Variants in GRID2 observed in about 807,000 individuals in gnomAD.
The protein encoded by GRID2 is glutamate receptor ionotropic, delta-2.
In GRID2, 33 loss-of-function variants were observed where a neutral mutation model predicts 114.8. The observed-to-expected ratio is 0.29, with a 90% CI of 0.22 to 0.38. GRID2 has a LOEUF of 0.38. Among genes scored for constraint, GRID2 ranks in the 10% least tolerant of loss-of-function variants. The pLI is 1.00. For synonymous variants in GRID2, 505 were observed against 449.9 expected (o/e 1.12, Z -1.55); for missense variants, 1,184 against 1,257.7 (o/e 0.94, Z 0.89).
intron 8 of GRID2, among the ~76,000 whole-genome samples, chr4:93,378,040 G>A (rs1763529059): frequency 6.6e-6 from 1 of 152,066 alleles, no homozygotes; most frequent in Non-Finnish European, 1.5e-5. Context: ...ATAGGACTTT[G>A]TTGAAAACAA....
At chr4:92,525,380 T>C (rs1389015880) in intron 1 of GRID2, among the ~76,000 whole-genome samples, 3 of 152,054 alleles carry the variant, frequency 2.0e-5, no homozygotes, top group East Asian at 1.9e-4. Context: ...TGTTAAGTTA[T>C]GGTGTCAAAT....
chr4:92,331,859 T>C (rs1054074304), intron 1 of GRID2, among the ~76,000 whole-genome samples: 3 of 152,232 alleles, frequency 2.0e-5, no homozygotes, highest in Non-Finnish European at 2.9e-5. Context: ...GCTGCATGAT[T>C]TCCTAGCATT....
intron 8 of GRID2, among the ~76,000 whole-genome samples, chr4:93,244,822 A>T (rs1459204313): frequency 6.6e-6 from 1 of 151,578 alleles, no homozygotes; most frequent in Non-Finnish European, 1.5e-5. Flanking sequence ...TTGTATTCTG[A>T]TTCTGGAATA....
intron 2 of GRID2, among the ~76,000 whole-genome samples, chr4:92,998,697 C>A (rs181910519): frequency 1.7e-3 from 256 of 148,228 alleles, no homozygotes; most frequent in Middle Eastern, 0.01. Context: ...TTTTTTTTTT[C>A]AAGAGGGTCC....
At chr4:93,165,381 A>G (rs1464226689) in intron 4 of GRID2, among the ~76,000 whole-genome samples, 1 of 151,174 alleles carries the variant, frequency 6.6e-6, no homozygotes, top group Admixed American at 6.6e-5. Context: ...AGAGTGTGGG[A>G]TTGCTAAAGA....
intron 8 of GRID2, among the ~76,000 whole-genome samples, chr4:93,361,587 G>C (rs755799031): frequency 3.3e-5 from 5 of 151,596 alleles, no homozygotes; most frequent in African/African-American, 1.2e-4. Context: ...CTTTTTAATA[G>C]AGCCTTCACT....
intron 8 of GRID2, among the ~76,000 whole-genome samples, chr4:93,265,590 C>T (rs1467394592): frequency 6.6e-6 from 1 of 152,074 alleles, no homozygotes; most frequent in Non-Finnish European, 1.5e-5. Flanking sequence ...GAAACATTAC[C>T]AAACTTCTAA....
chr4:92,569,188 A>G (rs1298543812), intron 1 of GRID2, among the ~76,000 whole-genome samples: 1 of 151,418 alleles, frequency 6.6e-6, no homozygotes, highest in Non-Finnish European at 1.5e-5. Flanking sequence ...TGTTCTTATC[A>G]TTTCACTCCC....
At position 93,217,905 on chromosome 4, in the gene GRID2, A is replaced by C. The variant is rs1346851924; in HGVS notation, c.963+994A>C. ...ATATTTTAGAAACTTGTTCTTTAAA[A>C]TATTTACCATAGGAAACATTTTAGT... On this transcript the variant is annotated intron_variant, in intron 6 of 15. Transcript: ENST00000282020. 3.3e-5 allele frequency among the ~76,000 whole-genome samples: 5 copies of C among 152,206 alleles called. No homozygotes were observed. In the East Asian group the frequency reaches 9.6e-4, roughly 29 times the overall value.
At chr4:93,049,517 C>A (rs191169609) in intron 2 of GRID2, among the ~76,000 whole-genome samples, 1 of 151,574 alleles carries the variant, frequency 6.6e-6, no homozygotes, top group Non-Finnish European at 1.5e-5. Context: ...TTATCCCCCC[C>A]CCAAAAAAAT....
intron 2 of GRID2, among the ~76,000 whole-genome samples, chr4:92,632,612 A>G (rs1730861412): frequency 6.6e-6 from 1 of 151,964 alleles, no homozygotes; most frequent in Non-Finnish European, 1.5e-5. Context: ...AGCCTGAGCC[A>G]CGGAGCGAGA....
chr4:93,772,416 C>T lies in GRID2; in HGVS notation c.2942C>T (p.Thr981Ile). The change falls in exon 16 of 16, where the codon ACA becomes ATA. Residue 981 changes from threonine (T) to isoleucine (I), a missense_variant. Thr to Ile is a moderately conservative substitution (Grantham distance 89). Transcript: ENST00000282020. ...NGGFFRSPIK[T>I]MSSIPYQPTP... ...GGCTTTTTCAGGAGTCCTATAAAAA[C>T]AATGTCATCTATTCCTTATCAACCA... The T allele has an allele frequency of 6.2e-7, 1 of 1,613,794 alleles. No homozygotes were observed. The highest frequency in any genetic ancestry group is 1.3e-5 in the African/African-American group (1 of 75,012).
chr4:92,813,137 G>A (rs1369301546), intron 2 of GRID2, among the ~76,000 whole-genome samples: 1 of 152,024 alleles, frequency 6.6e-6, no homozygotes, highest in Non-Finnish European at 1.5e-5. Flanking sequence ...TTACAATATG[G>A]ACTGTGAAGG....
intron 2 of GRID2, among the ~76,000 whole-genome samples, chr4:92,864,672 A>G (rs531953255): frequency 6.6e-6 from 1 of 152,182 alleles, no homozygotes; most frequent in Non-Finnish European, 1.5e-5. Context: ...ATTGATACAT[A>G]GATACTACTA....
intron 2 of GRID2, among the ~76,000 whole-genome samples, chr4:92,979,139 G>C (rs1420820696): frequency 1.3e-5 from 2 of 151,964 alleles, no homozygotes; most frequent in African/African-American, 4.8e-5. Context: ...AAATTGTGAT[G>C]GGTCATTGTA....
intron 1 of GRID2, among the ~76,000 whole-genome samples, chr4:92,404,673 T>A (rs1730942868): frequency 6.6e-6 from 1 of 152,128 alleles, no homozygotes. Context: ...ATGTGGTACA[T>A]ACACACCATG....
intron 14 of GRID2, among the ~76,000 whole-genome samples, chr4:93,733,224 C>T (rs1730640830): frequency 6.6e-6 from 1 of 152,112 alleles, no homozygotes; most frequent in African/African-American, 2.4e-5. Flanking sequence ...ACTGATATAT[C>T]TTCTTTTCTG....
At chr4:93,232,145 T>C (rs1350649329) in intron 7 of GRID2, among the ~76,000 whole-genome samples, 3 of 152,128 alleles carry the variant, frequency 2.0e-5, no homozygotes, top group African/African-American at 7.2e-5. Context: ...ATTTTGTGGG[T>C]AAATGTAAGA....
At chr4:93,416,293 G>A (rs1277809456) in intron 9 of GRID2, among the ~76,000 whole-genome samples, 1 of 151,924 alleles carries the variant, frequency 6.6e-6, no homozygotes, top group African/African-American at 2.4e-5. Flanking sequence ...AAGAACAGTG[G>A]CCATTAATTC....
Sources: gnomAD v4.1 joint callset for allele counts (sites outside exome capture counted in the v4.1 genomes callset) on GRCh38, gnomAD v4.1.1 for gene constraint, MANE v1.5 for transcripts, NCBI Gene and HGNC (gene_info 2026-07-23, HGNC 2026-07-21) for gene names.